CCDC201: variants seen among roughly 807,000 people sequenced by gnomAD.
CCDC201 encodes coiled-coil domain-containing protein 201.
At chr7:45,879,775 C>A in the CCDC201 span, among the ~76,000 whole-genome samples, 1 of 152,196 alleles carries the variant, frequency 6.6e-6, no homozygotes, top group East Asian at 1.9e-4. Flanking sequence ...AATAACCTAA[C>A]ACAGTATTGC....
At chr7:45,880,865 C>T in the CCDC201 span, among the ~76,000 whole-genome samples, 2 of 152,266 alleles carry the variant, frequency 1.3e-5, no homozygotes, top group East Asian at 3.9e-4. Flanking sequence ...TGTGGGGTGA[C>T]CTATTATGGG....
chr7:45,879,602 G>A, the CCDC201 span, among the ~76,000 whole-genome samples: 1 of 152,152 alleles, frequency 6.6e-6, no homozygotes, highest in African/African-American at 2.4e-5. Context: ...AGCAGCATTA[G>A]GGGGATGGTG....
At chr7:45,881,817 G>A in the CCDC201 span, among the ~76,000 whole-genome samples, 4 of 152,262 alleles carry the variant, frequency 2.6e-5, no homozygotes, top group Admixed American at 6.5e-5. Flanking sequence ...CTTTGGCCTG[G>A]ACACATCTGT....
At chr7:45,861,147 A>T (rs1478225845) in exon 3 of CCDC201, 1 of 152,228 alleles carries the variant, frequency 6.6e-6, no homozygotes, top group Non-Finnish European at 1.5e-5. Context: ...TACATGCCTG[A>T]ATCACTTTGC....
the CCDC201 span, among the ~76,000 whole-genome samples, chr7:45,884,814 G>A: frequency 6.6e-6 from 1 of 152,088 alleles, no homozygotes; most frequent in South Asian, 2.1e-4. Flanking sequence ...GCCCGCCCTT[G>A]ACAGACCATC....
intron 2 of CCDC201, among the ~76,000 whole-genome samples, chr7:45,863,984 G>A (rs1786634618): frequency 6.6e-6 from 1 of 152,144 alleles, no homozygotes; most frequent in South Asian, 2.1e-4. Flanking sequence ...CAGCAGAGAG[G>A]GCCAGGCTGG....
chr7:45,876,686 A>G (rs1329173894), upstream of CCDC201, among the ~76,000 whole-genome samples: 4 of 152,210 alleles, frequency 2.6e-5, no homozygotes, highest in Non-Finnish European at 4.4e-5. Flanking sequence ...TAATTGGGAA[A>G]TCAAAGTGTG....
At chr7:45,877,685 A>C (rs1786829394), upstream of CCDC201, among the ~76,000 whole-genome samples, 1 of 152,166 alleles carries the variant, frequency 6.6e-6, no homozygotes, top group African/African-American at 2.4e-5. Flanking sequence ...CCCATGATCC[A>C]ATCACCTCCC....
At chr7:45,882,273 C>T in the CCDC201 span, among the ~76,000 whole-genome samples, 3 of 152,184 alleles carry the variant, frequency 2.0e-5, no homozygotes, top group African/African-American at 7.2e-5. Context: ...CTGCACCACC[C>T]CAGAGGTCCC....
the CCDC201 span, among the ~76,000 whole-genome samples, chr7:45,880,540 A>T: frequency 6.6e-6 from 1 of 151,878 alleles, no homozygotes; most frequent in Admixed American, 6.6e-5. Flanking sequence ...ACCCCAGGTG[A>T]TGGGCACACT....
chr7:45,866,167 G>A (rs549695562), exon 2 of CCDC201: 4 of 201,408 alleles, frequency 2.0e-5, no homozygotes, highest in South Asian at 8.1e-5. Flanking sequence ...TGCCGCTGCC[G>A]CTGCCGCTGG....
intron 2 of CCDC201, among the ~76,000 whole-genome samples, chr7:45,863,488 G>T (rs940154532): frequency 4.6e-5 from 7 of 152,188 alleles, no homozygotes; most frequent in Non-Finnish European, 8.8e-5. Flanking sequence ...TGCGAGCATG[G>T]AGTAGACGAG....
exon 3 of CCDC201, chr7:45,860,734 A>G (rs1786588768): frequency 6.6e-6 from 1 of 150,740 alleles, no homozygotes; most frequent in Non-Finnish European, 1.5e-5. Flanking sequence ...TAGCAGCCAA[A>G]CAGAGACTCA....
the CCDC201 span, among the ~76,000 whole-genome samples, chr7:45,884,116 C>T: frequency 2.3e-5 from 3 of 131,232 alleles, no homozygotes; most frequent in South Asian, 2.3e-4. Flanking sequence ...CTCTCTTTCT[C>T]TTGAGACAGG....
intron 2 of CCDC201, among the ~76,000 whole-genome samples, chr7:45,865,733 G>T (rs1786661153): frequency 6.6e-6 from 1 of 152,218 alleles, no homozygotes; most frequent in Non-Finnish European, 1.5e-5. Context: ...AGACCATGAG[G>T]CCAGGAAGCT....
chr7:45,866,952 G>T (rs764762590), intron 1 of CCDC201, among the ~76,000 whole-genome samples: 29 of 152,322 alleles, frequency 1.9e-4, no homozygotes, highest in Admixed American at 8.5e-4. Context: ...CAGGTGGCTT[G>T]CAGTAGGTGC....
the CCDC201 span, among the ~76,000 whole-genome samples, chr7:45,884,746 A>G: frequency 6.6e-6 from 1 of 152,138 alleles, no homozygotes; most frequent in Non-Finnish European, 1.5e-5. Flanking sequence ...GTACCCAGAC[A>G]CAAATAGACC....
chr7:45,881,337 A>C, the CCDC201 span, among the ~76,000 whole-genome samples: 1 of 152,050 alleles, frequency 6.6e-6, no homozygotes, highest in Non-Finnish European at 1.5e-5. Context: ...TGTGTCCATT[A>C]CCCTAATCTC....
chr7:45,881,204 G>T, the CCDC201 span, among the ~76,000 whole-genome samples: 1 of 152,142 alleles, frequency 6.6e-6, no homozygotes, highest in Non-Finnish European at 1.5e-5. Flanking sequence ...TGTGTCTCCT[G>T]GGAGTGAGCA....
Sources: allele counts gnomAD v4.1 joint callset (sites outside exome capture counted in the v4.1 genomes callset), GRCh38; gene constraint gnomAD v4.1.1; transcripts MANE v1.5; gene names NCBI Gene and HGNC (gene_info 2026-07-23, HGNC 2026-07-21).